LHFPL4: variants seen among roughly 807,000 people sequenced by gnomAD.
LHFPL4 encodes the protein LHFPL tetraspan subfamily member 4 protein.
LHFPL4 carries 6 observed loss-of-function variants against 20.0 expected under a neutral mutation model. The ratio of observed to expected loss-of-function variants is 0.30; its 90% confidence interval spans 0.16 to 0.59. The LOEUF is 0.59. LHFPL4 is among the 20% of genes least tolerant of loss of function. LHFPL4 has a pLI of 0.88. For synonymous variants in LHFPL4, 129 were observed against 143.8 expected, an observed-to-expected ratio of 0.90 and a Z score of 0.74; for missense variants, 215 against 331.2, an observed-to-expected ratio of 0.65 and a Z score of 2.72.
intron 2 of LHFPL4, among the ~76,000 whole-genome samples, chr3:9,511,926 T>C (rs2046263624): frequency 7.2e-6 from 1 of 138,910 alleles, no homozygotes; most frequent in Non-Finnish European, 1.5e-5. Flanking sequence ...ATCCTTTACA[T>C]GGCGACTGTT....
chr3:9,525,752 C>A (rs1284981684), intron 2 of LHFPL4, among the ~76,000 whole-genome samples: 3 of 152,146 alleles, frequency 2.0e-5, no homozygotes, highest in African/African-American at 7.2e-5. Flanking sequence ...AAAAATCCAA[C>A]GTGCTTATAC....
chr3:9,544,868 C>G (rs1011974243), intron 2 of LHFPL4, among the ~76,000 whole-genome samples: 3 of 152,232 alleles, frequency 2.0e-5, no homozygotes, highest in African/African-American at 7.2e-5. Flanking sequence ...GAAGACTTCC[C>G]TGGCTCTCTT....
rs752661424 is a variant in LHFPL4 at position 9,506,604 on chromosome 3, G to A, written c.407-401C>T. Among the ~76,000 whole-genome samples, 3 of 152,062 alleles carry A rather than the reference G, an allele frequency of 2.0e-5. No individual in the cohort carries two copies. The highest frequency in any genetic ancestry group is 4.8e-5 in the African/African-American group (2 of 41,400). On this transcript the variant is annotated intron_variant, in intron 2 of 3. Coordinates refer to ENST00000287585, the MANE Select transcript of LHFPL4 (RefSeq NM_198560.3). The surrounding 1 kb of genome is among the most constrained non-coding windows in gnomAD (Gnocchi z 4.5). ...TGTTGTCGTTGTTGTTGTTTGAGAC[G>A]GAGTCTCGCTCTGTTGCCCAGGGTG...
At chr3:9,529,326 C>G (rs2046395251) in intron 2 of LHFPL4, among the ~76,000 whole-genome samples, 1 of 152,162 alleles carries the variant, frequency 6.6e-6, no homozygotes, top group Non-Finnish European at 1.5e-5. Flanking sequence ...CGCGCCCGGC[C>G]ATGAATCACC....
chr3:9,550,491 A>G (rs2046546452), intron 2 of LHFPL4: 1 of 152,210 alleles, frequency 6.6e-6, no homozygotes, highest in Non-Finnish European at 1.5e-5. Context: ...GAAGGAGCTG[A>G]TCTCTAAGGT....
chr3:9,521,838 T>C (rs964627548), intron 2 of LHFPL4, among the ~76,000 whole-genome samples: 4 of 152,200 alleles, frequency 2.6e-5, no homozygotes, highest in African/African-American at 9.7e-5. Flanking sequence ...AAATCTATTC[T>C]GATAATCTCT....
intron 2 of LHFPL4, among the ~76,000 whole-genome samples, chr3:9,545,044 G>A (rs971438609): frequency 5.9e-5 from 9 of 152,028 alleles, no homozygotes; most frequent in African/African-American, 1.5e-4. Context: ...CTAGAGGCTA[G>A]CACAGTGCCT....
rs116778921 is a variant in LHFPL4, at chr3:9,533,086, C to T, written c.406+19188G>A. On this transcript the variant is annotated intron_variant, in intron 2 of 3. Transcript: ENST00000287585. ...AAGAGAAGGAAAATGTCTACAAGTT[C>T]AAAGGGGGCAGGCACTGGAAGGTGA... Among the ~76,000 whole-genome samples, 351 of 152,288 alleles carry T rather than the reference C, an allele frequency of 2.3e-3. 4 individuals carry two copies. Among genetic ancestry groups the T allele is most frequent in the African/African-American group, 8.0e-3 (333 of 41,550 alleles).
intron 2 of LHFPL4, among the ~76,000 whole-genome samples, chr3:9,533,944 T>C (rs776989177): frequency 6.6e-6 from 1 of 151,650 alleles, no homozygotes; most frequent in Admixed American, 6.6e-5. Context: ...TCGGACACAG[T>C]GGCTCATGCC....
rs1208846397 is a variant in LHFPL4 at position 9,506,826 on chromosome 3, C to T, written c.407-623G>A. 6.6e-6 allele frequency among the ~76,000 whole-genome samples: 1 copy of T among 152,158 alleles called. No individual in the cohort carries two copies. Among genetic ancestry groups the T allele is most frequent in the Non-Finnish European group, 1.5e-5 (1 of 68,018 alleles). ...GAACTCCTAACCTCAAGTGATCTGC[C>T]CACCTCAGCCTCCCAAAGTGTTGGG... On this transcript the variant is annotated intron_variant, in intron 2 of 3. Transcript: ENST00000287585. The surrounding 1 kb of genome is among the most constrained non-coding windows in gnomAD (Gnocchi z 4.5).
intron 3 of LHFPL4, 31 bp downstream of exon 3, chr3:9,505,926 CCTGGCTCCCG>C (rs2046214931): frequency 1.3e-6 from 2 of 1,563,976 alleles, no homozygotes; most frequent in Non-Finnish European, 1.8e-6. Flanking sequence ...CAGGACCAGG[CCTGGCTCCCG>C]CCGCTGCCCC....
chr3:9,506,244 GGAAGA>G lies in LHFPL4; in HGVS notation c.407-46_407-42del, dbSNP rs1213624443. On this transcript the variant is annotated intron_variant, in intron 2 of 3. Coordinates refer to ENST00000287585, the MANE Select transcript of LHFPL4 (RefSeq NM_198560.3). The surrounding 1 kb of genome is among the most constrained non-coding windows in gnomAD (Gnocchi z 4.5). ...CCGGGCCCACCACCACGGTCAGGAA[GGAAGA>G]GAAAAGACCATTACTCGCTAGTGTC... 6.5e-7 allele frequency: 1 copy of G among 1,539,624 alleles called. No individual in the cohort carries two copies. Among genetic ancestry groups the G allele is most frequent in the South Asian group, 1.1e-5 (1 of 89,518 alleles).
intron 2 of LHFPL4, among the ~76,000 whole-genome samples, chr3:9,518,166 C>T (rs189051452): frequency 1.2e-4 from 18 of 152,092 alleles, no homozygotes; most frequent in Non-Finnish European, 1.5e-4. Context: ...CTGATAAAAT[C>T]ATGTGATTTT....
In LHFPL4 at chr3:9,509,881, A is replaced by C. The variant is rs1474106951; in HGVS notation, c.407-3678T>G. Reference sequence around the variant, plus strand: ...AATGACTGCAGATAAGGCAGGGTTCAGTGTTCCCATTTGCTGGATGAAGAA... The same window carrying C: ...AATGACTGCAGATAAGGCAGGGTTCCGTGTTCCCATTTGCTGGATGAAGAA... On this transcript the variant is annotated intron_variant, in intron 2 of 3. Coordinates refer to ENST00000287585, the MANE Select transcript of LHFPL4 (RefSeq NM_198560.3). Among the ~76,000 whole-genome samples the C allele has an allele frequency of 2.0e-5, 3 of 152,360 alleles. No homozygotes were observed. In the East Asian group the frequency reaches 5.8e-4, roughly 29 times the overall value.
At chr3:9,523,986 C>CCG in intron 2 of LHFPL4, among the ~76,000 whole-genome samples, 2 of 134,106 alleles carry the variant, frequency 1.5e-5, no homozygotes, top group South Asian at 5.5e-4. Context: ...TAGTATTTCC[C>CCG]CCCCCCCCAA....
intron 2 of LHFPL4, among the ~76,000 whole-genome samples, chr3:9,528,883 G>T (rs1559520068): frequency 6.6e-6 from 1 of 150,816 alleles, no homozygotes; most frequent in East Asian, 2.0e-4. Context: ...CCAAAGTGCT[G>T]GGATTACAGG....
In LHFPL4 at chr3:9,552,428, G is replaced by C. The variant is rs766027008; in HGVS notation, c.252C>G (p.Phe84Leu). 1.2e-6 allele frequency: 2 copies of C among 1,613,562 alleles called. No homozygotes were observed. Among genetic ancestry groups the C allele is most frequent in the South Asian group, 1.1e-5 (1 of 91,054 alleles). The stretch of plus-strand genomic sequence containing the variant: ...TGAAGGCGCTGGACGGGATGGTGCT[G>C]AAGTCGGTGAAGGAGCCCCGGCAGG... ...ELTCRGSFTDFSTIPSSAFKA... is the reference protein window; with the variant it reads ...ELTCRGSFTDLSTIPSSAFKA... The change falls in exon 2 of 4, where the codon TTC becomes TTG. Residue 84 changes from phenylalanine to leucine, a missense_variant. Around this residue, in one of 2 missense-constraint regions of LHFPL4, gnomAD observed 164 missense variants for 286.7 expected, o/e 0.57. Coordinates refer to ENST00000287585, the MANE Select transcript of LHFPL4 (RefSeq NM_198560.3).
intron 3 of LHFPL4, among the ~76,000 whole-genome samples, chr3:9,505,000 T>C (rs2046207210): frequency 6.6e-6 from 1 of 152,034 alleles, no homozygotes; most frequent in Non-Finnish European, 1.5e-5. Flanking sequence ...TACATATAAC[T>C]GAAGTGTGAC....
intron 2 of LHFPL4, among the ~76,000 whole-genome samples, chr3:9,543,696 C>T (rs77074751): frequency 0.013 from 1,911 of 145,754 alleles, 16 homozygotes; most frequent in Non-Finnish European, 0.021. Context: ...CAGGCGACTA[C>T]GTTTTGGGGT....
Sources: allele counts gnomAD v4.1 joint callset (sites outside exome capture counted in the v4.1 genomes callset), GRCh38; gene constraint gnomAD v4.1.1; regional missense constraint gnomAD v4.1.1; non-coding constraint Gnocchi (gnomAD v3.1); transcripts MANE v1.5; gene names NCBI Gene and HGNC (gene_info 2026-07-23, HGNC 2026-07-21).